TLL1: variants seen among roughly 807,000 people sequenced by gnomAD.
TLL1 encodes the protein tolloid like 1, also known as tolloid-like protein 1.
Under a neutral mutation model 128.2 loss-of-function variants are expected in TLL1, and 49 were observed. The observed-to-expected ratio is 0.38, with a 90% CI of 0.30 to 0.48. The LOEUF (loss-of-function observed/expected upper bound fraction) is 0.48. TLL1 is among the 20% of genes least tolerant of loss of function. TLL1 has a pLI of 0.96. For missense variants in TLL1, 1,123 were observed against 1,242.0 expected (o/e 0.90, Z 1.44); for synonymous variants, 454 against 418.8 (o/e 1.08, Z -1.03).
At chr4:166,074,735 T>A in intron 16 of TLL1, 143 bp from the exon 17 acceptor site, 1 of 971,324 alleles carries the variant, frequency 1.0e-6, no homozygotes, top group Non-Finnish European at 1.6e-6. Flanking sequence ...AGATCATACA[T>A]TTTTGTTTGT....
chr4:165,960,595 T>C (rs183044051), intron 1 of TLL1, among the ~76,000 whole-genome samples: 1 of 152,114 alleles, frequency 6.6e-6, no homozygotes, highest in East Asian at 1.9e-4. Flanking sequence ...TCCAGCAACA[T>C]ATCAAAAAGT....
intron 1 of TLL1, among the ~76,000 whole-genome samples, chr4:165,926,812 C>A (rs976773313): frequency 6.6e-6 from 1 of 152,140 alleles, no homozygotes; most frequent in Non-Finnish European, 1.5e-5. Context: ...ATTAACTTTG[C>A]AGTAATGGAA....
At chr4:166,025,918 G>C (rs1471830339) in intron 9 of TLL1, among the ~76,000 whole-genome samples, 1 of 152,022 alleles carries the variant, frequency 6.6e-6, no homozygotes, top group South Asian at 2.1e-4. Context: ...ATGAAATTCA[G>C]ACCTCAAACT....
At position 166,049,467 on chromosome 4, in the gene TLL1, TTG is replaced by T. The variant is rs1739613483; in HGVS notation, c.1525-5608_1525-5607del. ...TCACATACTGTCAAGTGAATATTATTTGGCCATAGCAGGTTTACAATAAAATT... is the reference window on the plus strand; with the variant it reads ...TCACATACTGTCAAGTGAATATTATTGCCATAGCAGGTTTACAATAAAATT... On this transcript the variant is annotated intron_variant, in intron 12 of 20. Transcript: ENST00000061240. Among the ~76,000 whole-genome samples, 3 of 152,308 alleles carry T rather than the reference TTG, an allele frequency of 2.0e-5. No individual in the cohort carries two copies. In the South Asian group the frequency reaches 6.2e-4, roughly 32 times the overall value.
At chr4:165,994,134 T>C (rs1168570837) in intron 3 of TLL1, among the ~76,000 whole-genome samples, 2 of 152,152 alleles carry the variant, frequency 1.3e-5, no homozygotes, top group Non-Finnish European at 2.9e-5. Flanking sequence ...TAGGCTGTTG[T>C]ATGGATATCC....
At chr4:166,014,328 A>G in intron 7 of TLL1, 108 bp from the exon 8 acceptor site, 1 of 1,512,618 alleles carries the variant, frequency 6.6e-7, no homozygotes, top group Non-Finnish European at 9.1e-7. Flanking sequence ...CACAAGGTGT[A>G]GTTCCCCTTT....
intron 14 of TLL1, among the ~76,000 whole-genome samples, chr4:166,059,800 A>G (rs1308679183): frequency 1.3e-5 from 2 of 152,104 alleles, no homozygotes; most frequent in Non-Finnish European, 1.5e-5. Flanking sequence ...TAGTACAGCC[A>G]TAATATTCTC....
intron 3 of TLL1, among the ~76,000 whole-genome samples, chr4:165,993,284 T>C (rs1464690603): frequency 6.6e-6 from 1 of 152,040 alleles, no homozygotes; most frequent in African/African-American, 2.4e-5. Flanking sequence ...TTACCGGATT[T>C]AAAAAGTTAA....
chr4:166,074,742 T>A lies in TLL1; in HGVS notation c.2189-136T>A, dbSNP rs183627337. ...AAACTAAGAGATCATACATTTTTGT[T>A]TGTTTTATGTTGGGAACAGGAGAAA... is the stretch of plus-strand genomic sequence containing the variant. On this transcript the variant is annotated intron_variant, in intron 16 of 20. Transcript: ENST00000061240. The A allele has an allele frequency of 1.4e-5, 15 of 1,057,702 alleles. No individual in the cohort carries two copies. In the Admixed American group the frequency reaches 2.9e-4, roughly 21 times the overall value. 65.5% of individuals were successfully genotyped at this position (1,057,702 alleles called of 1,614,324 possible).
At chr4:166,074,108 C>T (rs1210510293) in intron 16 of TLL1, among the ~76,000 whole-genome samples, 1 of 152,050 alleles carries the variant, frequency 6.6e-6, no homozygotes, top group African/African-American at 2.4e-5. Flanking sequence ...GCTTTTTTCC[C>T]TGTAGTGAAT....
chr4:166,041,279 G>C (rs1042047258), intron 10 of TLL1, among the ~76,000 whole-genome samples: 1 of 149,526 alleles, frequency 6.7e-6, no homozygotes, highest in Non-Finnish European at 1.5e-5. Context: ...TTTGAGCTGA[G>C]AGCACATTCT....
chr4:166,018,145 C>A (rs1738038393), intron 8 of TLL1, among the ~76,000 whole-genome samples: 1 of 152,058 alleles, frequency 6.6e-6, no homozygotes, highest in South Asian at 2.1e-4. Context: ...TTTTCTTACT[C>A]TTTTGTCAGA....
chr4:165,947,521 T>C (rs1734314253), intron 1 of TLL1, among the ~76,000 whole-genome samples: 2 of 152,026 alleles, frequency 1.3e-5, no homozygotes, highest in Admixed American at 1.3e-4. Context: ...AAATTTTCAC[T>C]TTACCCAGCA....
intron 17 of TLL1, among the ~76,000 whole-genome samples, chr4:166,077,066 G>T (rs556549035): frequency 6.6e-5 from 10 of 152,046 alleles, no homozygotes; most frequent in Admixed American, 5.9e-4. Flanking sequence ...TTTTAGAATG[G>T]GATACACAGT....
intron 8 of TLL1, among the ~76,000 whole-genome samples, chr4:166,016,263 T>A (rs2111054078): frequency 6.6e-6 from 1 of 152,158 alleles, no homozygotes; most frequent in East Asian, 1.9e-4. Flanking sequence ...ATATGGGTGA[T>A]CCTTAACTAA....
intron 1 of TLL1, among the ~76,000 whole-genome samples, chr4:165,971,142 T>G (rs1350987097): frequency 2.6e-5 from 4 of 152,188 alleles, no homozygotes; most frequent in African/African-American, 9.6e-5. Context: ...TCACTGGTAA[T>G]CTATCATGCA....
At chr4:165,922,032 A>G (rs1177089463) in intron 1 of TLL1, among the ~76,000 whole-genome samples, 1 of 152,244 alleles carries the variant, frequency 6.6e-6, no homozygotes, top group East Asian at 1.9e-4. Flanking sequence ...AGAGAGAAAG[A>G]AAAGAAAACT....
intron 9 of TLL1, among the ~76,000 whole-genome samples, chr4:166,029,408 T>C (rs2111076124): frequency 6.6e-6 from 1 of 152,156 alleles, no homozygotes; most frequent in Non-Finnish European, 1.5e-5. Context: ...ATCAAGCAAA[T>C]GAGACACTAT....
chr4:166,057,949 A>G (rs1740108873), intron 14 of TLL1, among the ~76,000 whole-genome samples: 1 of 152,160 alleles, frequency 6.6e-6, no homozygotes, highest in Non-Finnish European at 1.5e-5. Flanking sequence ...TTTCACACAT[A>G]TATAAATAAA....
Sources: allele counts gnomAD v4.1 joint callset (sites outside exome capture counted in the v4.1 genomes callset), GRCh38; gene constraint gnomAD v4.1.1; transcripts MANE v1.5; gene names NCBI Gene and HGNC (gene_info 2026-07-23, HGNC 2026-07-21).